Variants in SRRM2 observed in about 807,000 individuals in gnomAD.
SRRM2 encodes the protein serine/arginine repetitive matrix protein 2.
Under a neutral mutation model 213.8 loss-of-function variants are expected in SRRM2, and 30 were observed. That is an observed-to-expected ratio of 0.14 (90% CI 0.10 to 0.19). SRRM2 has a LOEUF of 0.19. SRRM2 is among the 10% of genes least tolerant of loss of function. The pLI is 1.00. For synonymous variants in SRRM2, 2,025 were observed against 1,377.7 expected, an observed-to-expected ratio of 1.47 and a Z score of -10.40; for missense variants, 4,904 against 3,647.0, an observed-to-expected ratio of 1.34 and a Z score of -8.88.
rs578021877 is a variant in SRRM2, at chr16:2,759,443, A to T, written c.740+41A>T. ...GGGAATTTGCTTAGGAAGTAAGTGA[A>T]CGCCACCTTAGTGGGAGGGAGTTGA... On this transcript the variant is annotated intron_variant, in intron 8 of 14. Transcript: ENST00000301740. 8 of 1,595,716 alleles carry T rather than the reference A, an allele frequency of 5.0e-6. No individual in the cohort carries two copies. The East Asian group carries it at 1.6e-4, about 31-fold the overall frequency.
Position 2,768,160 on chromosome 16 carries a change from T to C in SRRM2, c.7632T>C (p.Ser2544=), listed in dbSNP as rs2301802. 1,289,505 of 1,613,276 alleles carry C rather than the reference T, an allele frequency of 0.8. 522,084 individuals carry two copies. The highest frequency in any genetic ancestry group is 0.86 in the Admixed American group (51,394 of 59,934). ...SSSSSSSSSS[S]SSSSSSSSSS... The stretch of plus-strand genomic sequence containing the variant: ...CGTCGTCGTCCTCTAGCTCCTCCTC[T>C]TCTTCATCATCGTCGTCGTCGTCCT... The change falls in exon 11 of 15, where the codon TCT becomes TCC. Residue 2544 remains serine, a synonymous_variant. Transcript: ENST00000301740.
rs769836065 is a variant in SRRM2, at chr16:2,768,270, G to A, written c.7733+9G>A. 2.0e-6 allele frequency: 3 copies of A among 1,530,222 alleles called. No individual in the cohort carries two copies. Among genetic ancestry groups the A allele is most frequent in the Admixed American group, 2.2e-5 (1 of 45,884 alleles). The allele number at this position is 1,530,222 out of a possible 1,614,324, so 94.8% of individuals were successfully genotyped here. Reference sequence around the variant, plus strand: ...GAGGTGGCACTGAAGAGGTGAGGGAGCTTGACTTTTAGAAATCTTCAGTGG... The same window carrying A: ...GAGGTGGCACTGAAGAGGTGAGGGAACTTGACTTTTAGAAATCTTCAGTGG... On this transcript the variant is annotated intron_variant, in intron 11 of 14. Transcript: ENST00000301740.
intron 1 of SRRM2, chr16:2,753,629 CATAT>C (rs767893757): frequency 7.9e-5 from 12 of 152,304 alleles, no homozygotes; most frequent in Non-Finnish European, 1.3e-4. Flanking sequence ...ACGCCAGACT[CATAT>C]ATAAGTTTTC....
rs751536870 is a variant in SRRM2, at chr16:2,771,347, T to C, written c.*480T>C. The C allele has an allele frequency of 1.9e-5, 29 of 1,507,404 alleles. No individual in the cohort carries two copies. Among genetic ancestry groups the C allele is most frequent in the African/African-American group, 9.6e-5 (7 of 72,764 alleles). The allele number at this position is 1,507,404 out of a possible 1,614,324, so 93.4% of individuals were successfully genotyped here. On this transcript the variant is annotated 3_prime_UTR_variant, in exon 15 of 15. Coordinates refer to ENST00000301740, the MANE Select transcript of SRRM2 (RefSeq NM_016333.4). ...CTTTTCATGTTTCTTAAAGGCATTT[T>C]GGTTTTTTAAAATCTGTACAGCAAG...
Position 2,767,321 on chromosome 16 carries a change from G to A in SRRM2, c.6793G>A (p.Ala2265Thr). Residue 2265 changes from alanine (A) to threonine (T), a missense_variant, in exon 11 of 15, where the codon GCA becomes ACA. By Grantham distance (58) the Ala-to-Thr change is moderately conservative. Transcript: ENST00000301740. Reference sequence around the variant, plus strand: ...GGCTGACTCTCGAACGCCAGCTGCAGCAGCGGCCATGAACTTGGCCAGCCC... The same window carrying A: ...GGCTGACTCTCGAACGCCAGCTGCAACAGCGGCCATGAACTTGGCCAGCCC... ...NLADSRTPAA[A>T]AAMNLASPRT... 1 of 1,613,908 alleles carries A rather than the reference G, an allele frequency of 6.2e-7. No homozygotes were observed.
Position 2,768,210 on chromosome 16 carries a change from G to C in SRRM2, c.7682G>C (p.Ser2561Thr). ...TCCTCCTCCTCTGGCTCCAGTTCTA[G>C]TGACTCAGAGGGCTCTAGCCTTCCT... is the stretch of plus-strand genomic sequence containing the variant. ...SSSSSSGSSS[S>T]DSEGSSLPVQ... is the part of the protein sequence containing the mutation. The change falls in exon 11 of 15, where the codon AGT (serine) becomes ACT (threonine). Residue 2561 changes from serine to threonine, a missense_variant. Transcript: ENST00000301740. 1 of 1,601,766 alleles carries C rather than the reference G, an allele frequency of 6.2e-7. No homozygotes were observed. Among genetic ancestry groups the C allele is most frequent in the Non-Finnish European group, 8.5e-7 (1 of 1,173,554 alleles).
At chr16:2,768,336 A>AC (rs1436755558) in intron 11 of SRRM2, 75 bp downstream of exon 11, 1 of 1,471,388 alleles carries the variant, frequency 6.8e-7, no homozygotes, top group African/African-American at 1.4e-5. Context: ...GGAGGGAGAA[A>AC]CCATGTCACA....
Position 2,762,606 on chromosome 16 carries a change from G to T in SRRM2, c.2078G>T (p.Arg693Leu). The T allele has an allele frequency of 1.2e-6, 2 of 1,614,162 alleles. No homozygotes were observed. Among genetic ancestry groups the T allele is most frequent in the South Asian group, 1.1e-5 (1 of 91,078 alleles). ...SRTPARRGRS[R>L]SRTPRRGRSR... ...ACACCAGCCAGGAGAGGGAGGTCTC[G>T]GTCTAGGACACCAAGACGAGGAAGA... The change falls in exon 11 of 15, where the codon CGG becomes CTG. Residue 693 changes from arginine (R) to leucine (L), a missense_variant. Physicochemically the swap from Arg to Leu is moderately radical, Grantham distance 102. Coordinates refer to ENST00000301740, the MANE Select transcript of SRRM2 (RefSeq NM_016333.4).
chr16:2,758,490 G>A lies in SRRM2; in HGVS notation c.536G>A (p.Ser179Asn). Residue 179 changes from serine (S) to asparagine (N), a missense_variant, in exon 5 of 15, where the codon AGT becomes AAT. By Grantham distance (46) the Ser-to-Asn change is conservative. Transcript: ENST00000301740. Reference sequence around the variant, plus strand: ...CCTAGCCTTGTTCGGGAGTCTAGCAGTTCTCGCTCACCAACCCCAAAGCAG... The same window carrying A: ...CCTAGCCTTGTTCGGGAGTCTAGCAATTCTCGCTCACCAACCCCAAAGCAG... ...KPYSLVRESS[S>N]SRSPTPKQKK... 1.9e-6 allele frequency: 3 copies of A among 1,614,102 alleles called. No individual in the cohort carries two copies. The highest frequency in any genetic ancestry group is 2.5e-6 in the Non-Finnish European group (3 of 1,180,006).
At position 2,763,177 on chromosome 16, in the gene SRRM2, T is replaced by G; in HGVS notation, c.2649T>G (p.Ser883=). 1.2e-6 allele frequency: 2 copies of G among 1,614,068 alleles called. No individual in the cohort carries two copies. Among genetic ancestry groups the G allele is most frequent in the Non-Finnish European group, 1.7e-6 (2 of 1,180,006 alleles). The change falls in exon 11 of 15, where the codon TCT becomes TCG. Residue 883 remains serine (S), a synonymous_variant. Transcript: ENST00000301740. ...CATCACCTGACCCTGAGTTGAAATC[T>G]AGGACCCCTTCTAGACATAGCTGCT... ...FESSPDPELK[S]RTPSRHSCSG...
chr16:2,758,022 G>A lies in SRRM2; in HGVS notation c.515+77G>A, dbSNP rs538536204. 5.5e-5 allele frequency: 83 copies of A among 1,510,406 alleles called. 1 individual carries two copies. The African/African-American group carries it at 9.0e-4, about 16-fold the overall frequency. The allele number at this position is 1,510,406 out of a possible 1,614,324, so 93.6% of individuals were successfully genotyped here. A position where few individuals can be genotyped will look rare whatever the true frequency, so the allele number is the denominator to read the frequency against. ...CATGCTCTATTTTTGTCTTTTTGCG[G>A]GCTGGTTTCTTCCCAAACTCTTCAG... is the stretch of plus-strand genomic sequence containing the variant. On this transcript the variant is annotated intron_variant, in intron 4 of 14. Coordinates refer to ENST00000301740, the MANE Select transcript of SRRM2 (RefSeq NM_016333.4).
At position 2,765,160 on chromosome 16, in the gene SRRM2, A is replaced by G; in HGVS notation, c.4632A>G (p.Glu1544=). 1.2e-6 allele frequency: 2 copies of G among 1,614,146 alleles called. No homozygotes were observed. Among genetic ancestry groups the G allele is most frequent in the Non-Finnish European group, 8.5e-7 (1 of 1,180,024 alleles). The change falls in exon 11 of 15, where the codon GAA becomes GAG. Residue 1544 remains glutamate (E), a synonymous_variant. Transcript: ENST00000301740. ...GAAGTCGTTCGGGATCCTCTCAAGAACTTGATGTGAAACCCAGTGCATCCC... is the reference window on the plus strand; with the variant it reads ...GAAGTCGTTCGGGATCCTCTCAAGAGCTTGATGTGAAACCCAGTGCATCCC... ...GQRSRSGSSQ[E]LDVKPSASPQ...
At position 2,760,665 on chromosome 16, in the gene SRRM2, T is replaced by G. The variant is rs1048393289; in HGVS notation, c.1032+166T>G. 5.5e-5 allele frequency: 39 copies of G among 709,828 alleles called. 1 individual carries two copies. In the African/African-American group the frequency reaches 7.0e-4, roughly 13 times the overall value. 44.0% of individuals were successfully genotyped at this position (709,828 alleles called of 1,614,324 possible). A position where few individuals can be genotyped will look rare whatever the true frequency, so the allele number is the denominator to read the frequency against. On this transcript the variant is annotated intron_variant, in intron 10 of 14. Transcript: ENST00000301740. ...TACTGCATCTGCAGAACTTTTAGTG[T>G]TGTTACTAGACTGAATTGTGAACCC...
rs1315825885 is a variant in SRRM2 at position 2,763,512 on chromosome 16, C to T, written c.2984C>T (p.Pro995Leu). The change falls in exon 11 of 15, where the codon CCA (proline) becomes CTA (leucine). Residue 995 changes from proline (P) to leucine (L), a missense_variant. Coordinates refer to ENST00000301740, the MANE Select transcript of SRRM2 (RefSeq NM_016333.4). ...PRQSHSGSIS[P>L]YPKVKAQTPP... ...CAAAGTCACTCAGGGTCTATTTCAC[C>T]ATACCCCAAAGTAAAGGCCCAAACT... 1.9e-6 allele frequency: 3 copies of T among 1,614,144 alleles called. No individual in the cohort carries two copies. The highest frequency in any genetic ancestry group is 2.2e-5 in the South Asian group (2 of 91,074).
chr16:2,758,404 CT>C, intron 4 of SRRM2, 65 bp from the exon 5 acceptor site: 1 of 1,366,572 alleles, frequency 7.3e-7, no homozygotes, highest in Non-Finnish European at 1.0e-6. Flanking sequence ...TAGACTCTGT[CT>C]TTTAAAGAAA....
intron 9 of SRRM2, 48 bp downstream of exon 9, chr16:2,759,709 ATTAAT>A (rs1008051054): frequency 3.2e-6 from 5 of 1,546,106 alleles, no homozygotes; most frequent in Admixed American, 1.7e-5. Flanking sequence ...TGATGGGTTA[ATTAAT>A]TTAATATTTA....
chr16:2,759,607 C>G lies in SRRM2; in HGVS notation c.779C>G (p.Ala260Gly), dbSNP rs1210806202. Residue 260 changes from alanine to glycine, a missense_variant, in exon 9 of 15, where the codon GCC becomes GGC. By Grantham distance (60) the Ala-to-Gly change is moderately conservative. Coordinates refer to ENST00000301740, the MANE Select transcript of SRRM2 (RefSeq NM_016333.4). ...ACACCAGCCCCCAAGAGCCGCCGGG[C>G]CCACCGTTCAACTTCTGCTGACTCT... Reference protein sequence around the residue: ...STTPAPKSRRAHRSTSADSAS... With the variant: ...STTPAPKSRRGHRSTSADSAS... 1 of 1,614,040 alleles carries G rather than the reference C, an allele frequency of 6.2e-7. No homozygotes were observed. The highest frequency in any genetic ancestry group is 8.5e-7 in the Non-Finnish European group (1 of 1,179,990).
rs567790879 is a variant in SRRM2 at position 2,762,666 on chromosome 16, C to T, written c.2138C>T (p.Ser713Phe). 6 of 1,614,156 alleles carry T rather than the reference C, an allele frequency of 3.7e-6. No individual in the cohort carries two copies. Among genetic ancestry groups the T allele is most frequent in the South Asian group, 3.3e-5 (3 of 91,072 alleles). The change falls in exon 11 of 15, where the codon TCT becomes TTT. Residue 713 changes from serine (S) to phenylalanine (F), a missense_variant. Coordinates refer to ENST00000301740, the MANE Select transcript of SRRM2 (RefSeq NM_016333.4). ...RSRSLVRRGRSHSRTPQRRGR... is the reference protein window; with the variant it reads ...RSRSLVRRGRFHSRTPQRRGR... ...AGAAGCTTAGTTAGACGTGGAAGAT[C>T]TCACTCTAGAACACCTCAAAGAAGA...
At chr16:2,768,677 A>G (rs1271571580) in intron 11 of SRRM2, 19 of 659,174 alleles carry the variant, frequency 2.9e-5, no homozygotes, top group Non-Finnish European at 5.0e-5. Context: ...GGCCTCCCCA[A>G]GCTGCGGCTC....
Sources: gnomAD v4.1 joint callset for allele counts on GRCh38, gnomAD v4.1.1 for gene constraint, MANE v1.5 for transcripts, NCBI Gene and HGNC (gene_info 2026-07-23, HGNC 2026-07-21) for gene names.